The following FAM135B variants were observed in gnomAD, a reference collection of about 807,000 sequenced individuals.
The protein encoded by FAM135B is protein FAM135B.
Under a neutral mutation model 127.7 loss-of-function variants are expected in FAM135B, and 43 were observed. The observed-to-expected ratio is 0.34, with a 90% CI of 0.26 to 0.43. The LOEUF is 0.43. Ranked by LOEUF, FAM135B falls within the 20% of genes least tolerant of loss-of-function variation. The pLI is 1.00. For synonymous variants in FAM135B, 670 were observed against 665.1 expected (o/e 1.01, Z -0.11); for missense variants, 1,558 against 1,725.6 (o/e 0.90, Z 1.72).
chr8:138,330,113 C>G (rs1019050701), intron 2 of FAM135B, among the ~76,000 whole-genome samples: 2 of 152,152 alleles, frequency 1.3e-5, no homozygotes, highest in Non-Finnish European at 2.9e-5. Flanking sequence ...TCACTCATAC[C>G]TTTTCCTGAC....
intron 1 of FAM135B, among the ~76,000 whole-genome samples, chr8:138,381,403 G>A (rs573047862): frequency 5.3e-5 from 8 of 151,878 alleles, no homozygotes; most frequent in South Asian, 2.1e-4. Context: ...AGCCCTCCCC[G>A]AACAGCCATG....
rs1821006364 is a variant in FAM135B, at chr8:138,243,367, T to C, written c.543-299A>G. ...GAAACACTGAAGCAGAGCTCCAAGC[T>C]TATATCACTAGAGGGGAAGGTGGCA... On this transcript the variant is annotated intron_variant, in intron 6 of 19. Coordinates refer to ENST00000395297, the MANE Select transcript of FAM135B (RefSeq NM_015912.4). The surrounding 1 kb of genome is among the most constrained non-coding windows in gnomAD (Gnocchi z 7.5). Among the ~76,000 whole-genome samples the C allele has an allele frequency of 6.6e-6, 1 of 152,152 alleles. No homozygotes were observed. The highest frequency in any genetic ancestry group is 2.4e-5 in the African/African-American group (1 of 41,448).
chr8:138,496,286 C>T (rs1815388563), intron 1 of FAM135B, among the ~76,000 whole-genome samples: 2 of 152,262 alleles, frequency 1.3e-5, no homozygotes, highest in Admixed American at 1.3e-4. Context: ...CACAGGGAAT[C>T]GCTGCCACTG....
chr8:138,416,712 G>A (rs1396748743), intron 1 of FAM135B, among the ~76,000 whole-genome samples: 1 of 152,112 alleles, frequency 6.6e-6, no homozygotes, highest in Non-Finnish European at 1.5e-5. Flanking sequence ...ACTAGATGTG[G>A]ACAGGAAGAG....
At chr8:138,316,718 C>T (rs1587068502) in intron 2 of FAM135B, among the ~76,000 whole-genome samples, 3 of 152,076 alleles carry the variant, frequency 2.0e-5, no homozygotes, top group Admixed American at 6.5e-5. Flanking sequence ...TGGTGGCTCA[C>T]GCCTGTAATC....
At chr8:138,379,482 A>C (rs1217859323) in intron 1 of FAM135B, among the ~76,000 whole-genome samples, 3 of 152,194 alleles carry the variant, frequency 2.0e-5, no homozygotes, top group African/African-American at 7.2e-5. Flanking sequence ...TGCAATAAAA[A>C]TTTTGCATAA....
chr8:138,175,894 AT>A (rs1023243640), intron 11 of FAM135B, among the ~76,000 whole-genome samples: 2 of 152,182 alleles, frequency 1.3e-5, no homozygotes, highest in African/African-American at 4.8e-5. Context: ...GACAATACAC[AT>A]TCGCTTACTT....
chr8:138,253,618 C>A (rs910141616), intron 5 of FAM135B, among the ~76,000 whole-genome samples: 6 of 152,182 alleles, frequency 3.9e-5, no homozygotes, highest in Non-Finnish European at 8.8e-5. Context: ...TTGCTCACAT[C>A]TCCCCTCAAG....
At chr8:138,198,919 TGTTC>T (rs1816881535) in intron 7 of FAM135B, among the ~76,000 whole-genome samples, 1 of 152,210 alleles carries the variant, frequency 6.6e-6, no homozygotes, top group Non-Finnish European at 1.5e-5. Flanking sequence ...GCCCATCTAC[TGTTC>T]ACATGGCCGT....
intron 7 of FAM135B, among the ~76,000 whole-genome samples, chr8:138,237,532 C>T (rs529538308): frequency 2.0e-5 from 3 of 152,298 alleles, no homozygotes; most frequent in African/African-American, 7.2e-5. Context: ...ATTTATGTCT[C>T]AACCTTGCCA....
intron 3 of FAM135B, 39 bp downstream of exon 3, chr8:138,310,802 C>T: frequency 1.9e-6 from 3 of 1,590,850 alleles, no homozygotes; most frequent in Non-Finnish European, 2.6e-6. Context: ...GGAGGTTCGC[C>T]ATTGGGGGCA....
Position 138,141,484 on chromosome 8 carries a change from A to G in FAM135B, c.3639-135T>C. The G allele has an allele frequency of 1.1e-6, 1 of 876,514 alleles. No individual in the cohort carries two copies. Among genetic ancestry groups the G allele is most frequent in the Non-Finnish European group, 1.8e-6 (1 of 551,774 alleles). The allele number at this position is 876,514 out of a possible 1,614,324, so 54.3% of individuals were successfully genotyped here. A position where few individuals can be genotyped will look rare whatever the true frequency, so the allele number is the denominator to read the frequency against. On this transcript the variant is annotated intron_variant, in intron 16 of 19. Coordinates refer to ENST00000395297, the MANE Select transcript of FAM135B (RefSeq NM_015912.4). The surrounding 1 kb of genome is among the most constrained non-coding windows in gnomAD (Gnocchi z 4.7). ...AGGGGAACTGGCAAAGAGAACAGGG[A>G]CTGCCAACTCAACCTCATCAGGTTT...
intron 12 of FAM135B, among the ~76,000 whole-genome samples, chr8:138,160,946 T>C (rs1047519524): frequency 1.3e-4 from 20 of 152,186 alleles, no homozygotes; most frequent in Non-Finnish European, 2.8e-4. Context: ...AAGCCTGATT[T>C]TCAATTCTGA....
rs1002521161 is a variant in FAM135B, at chr8:138,241,214, C to A, written c.669+1728G>T. On this transcript the variant is annotated intron_variant, in intron 7 of 19. Coordinates refer to ENST00000395297, the MANE Select transcript of FAM135B (RefSeq NM_015912.4). The surrounding 1 kb of genome is among the most constrained non-coding windows in gnomAD (Gnocchi z 4.8). ...CAGTCCAATGACATGCTACAGGGCTCACTGCTTTCCACTCGCTTTCTTACT... is the reference window on the plus strand; with the variant it reads ...CAGTCCAATGACATGCTACAGGGCTAACTGCTTTCCACTCGCTTTCTTACT... Among the ~76,000 whole-genome samples, 5 of 152,216 alleles carry A rather than the reference C, an allele frequency of 3.3e-5. No individual in the cohort carries two copies. Among genetic ancestry groups the A allele is most frequent in the African/African-American group, 4.8e-5 (2 of 41,448 alleles).
chr8:138,413,626 CAAG>C (rs913011449), intron 1 of FAM135B, among the ~76,000 whole-genome samples: 5 of 152,128 alleles, frequency 3.3e-5, no homozygotes, highest in South Asian at 2.1e-4. Flanking sequence ...TCCAATAAAG[CAAG>C]AAGAATGACT....
chr8:138,149,929 T>C (rs1254033785), intron 13 of FAM135B, among the ~76,000 whole-genome samples: 1 of 152,170 alleles, frequency 6.6e-6, no homozygotes, highest in Non-Finnish European at 1.5e-5. Context: ...CTGGACAGCA[T>C]CTACTATGTC....
chr8:138,334,556 C>A (rs563000425), intron 2 of FAM135B, among the ~76,000 whole-genome samples: 2 of 152,222 alleles, frequency 1.3e-5, no homozygotes, highest in East Asian at 3.9e-4. Flanking sequence ...CCTCTACCTT[C>A]CCATAGGGCC....
rs2130732662 is a variant in FAM135B at position 138,151,521 on chromosome 8, A to G, written c.2954T>C (p.Val985Ala). 6.2e-7 allele frequency: 1 copy of G among 1,614,226 alleles called. No individual in the cohort carries two copies. Among genetic ancestry groups the G allele is most frequent in the Non-Finnish European group, 8.5e-7 (1 of 1,180,038 alleles). The change falls in exon 13 of 20, where the codon GTG becomes GCG. Residue 985 changes from valine (V) to alanine (A), a missense_variant. Around this residue, in one of 5 missense-constraint regions of FAM135B, gnomAD observed 923 missense variants for 865.3 expected, o/e 1.07. Transcript: ENST00000395297. The stretch of plus-strand genomic sequence containing the variant: ...AACGGAATGGGTCACAGTGGGGCAC[A>G]CAGTGCCTGCTTTATGTTTAGCCTC... ...FPEAKHKAGTVCPTVTHSVHS... is the reference protein window; with the variant it reads ...FPEAKHKAGTACPTVTHSVHS...
chr8:138,137,046 A>C, intron 19 of FAM135B, 101 bp downstream of exon 19: 1 of 710,168 alleles, frequency 1.4e-6, no homozygotes, highest in African/African-American at 1.7e-5. Flanking sequence ...ATGCAGCACT[A>C]AACCTATAGC....
Sources: gnomAD v4.1 joint callset for allele counts (sites outside exome capture counted in the v4.1 genomes callset) on GRCh38, gnomAD v4.1.1 for gene constraint, gnomAD v4.1.1 regional missense constraint, Gnocchi (gnomAD v3.1) non-coding constraint, MANE v1.5 for transcripts, NCBI Gene and HGNC (gene_info 2026-07-23, HGNC 2026-07-21) for gene names.